ARL6IP6: variants seen among roughly 807,000 people sequenced by gnomAD.
The protein encoded by ARL6IP6 is ARF like GTPase 6 interacting protein 6.
ARL6IP6 carries 22 observed loss-of-function variants against 21.5 expected under a neutral mutation model. The ratio of observed to expected loss-of-function variants is 1.02; its 90% CI spans 0.73 to 1.46. The LOEUF (loss-of-function observed/expected upper bound fraction) is 1.46. ARL6IP6 is among the 40% of genes most tolerant of loss of function. ARL6IP6 has a pLI of 0.00. For synonymous variants in ARL6IP6, 164 were observed against 125.3 expected, an observed-to-expected ratio of 1.31 and a Z score of -2.06; for missense variants, 388 against 299.8, an observed-to-expected ratio of 1.29 and a Z score of -2.17.
chr2:152,752,353 A>C (rs531975369), intron 3 of ARL6IP6, among the ~76,000 whole-genome samples: 1 of 152,306 alleles, frequency 6.6e-6, no homozygotes, highest in Admixed American at 6.5e-5. Flanking sequence ...GCAACATGGC[A>C]AAACCGTATC....
At chr2:152,746,441 T>G (rs1381870052) in intron 3 of ARL6IP6, among the ~76,000 whole-genome samples, 1 of 152,222 alleles carries the variant, frequency 6.6e-6, no homozygotes, top group Non-Finnish European at 1.5e-5. Context: ...TTGCCAATTT[T>G]GTACTTGGAA....
chr2:152,721,646 ATTTGATT>A (rs1559221761), intron 2 of ARL6IP6, among the ~76,000 whole-genome samples: 1 of 152,214 alleles, frequency 6.6e-6, no homozygotes, highest in African/African-American at 2.4e-5. Context: ...AAATTAAATC[ATTTGATT>A]TGATCACTGT....
chr2:152,718,446 C>T (rs1699349592), upstream of ARL6IP6: 2 of 823,660 alleles, frequency 2.4e-6, no homozygotes, highest in Non-Finnish European at 3.4e-6. Context: ...GCGCATTCCG[C>T]CTCTCCTTTG....
chr2:152,750,603 T>G (rs921281291), intron 3 of ARL6IP6, among the ~76,000 whole-genome samples: 1 of 151,302 alleles, frequency 6.6e-6, no homozygotes, highest in Non-Finnish European at 1.5e-5. Context: ...CATGAAATCT[T>G]AAGTTGGAGT....
intron 1 of ARL6IP6, chr2:152,719,750 G>GAAAAAAAA (rs11328553): frequency 2.8e-4 from 71 of 255,140 alleles, no homozygotes; most frequent in South Asian, 4.8e-4. Flanking sequence ...CCAAGTTACT[G>GAAAAAAAA]AAAAAAAAAA....
intron 3 of ARL6IP6, among the ~76,000 whole-genome samples, chr2:152,749,409 T>C (rs1701216457): frequency 6.6e-6 from 1 of 152,128 alleles, no homozygotes; most frequent in Non-Finnish European, 1.5e-5. Flanking sequence ...GCTTTTATAC[T>C]ACTATTGTTT....
chr2:152,719,768 AAAAAAAC>A lies in ARL6IP6; in HGVS notation c.400+749_401-754del, dbSNP rs1444201041. 3.7e-4 allele frequency: 118 copies of A among 320,886 alleles called. 2 individuals are homozygous for A. Among genetic ancestry groups the A allele is most frequent in the African/African-American group, 2.8e-3 (108 of 38,120 alleles). 19.9% of individuals were successfully genotyped at this position (320,886 alleles called of 1,614,324 possible). ...AGTTACTGAAAAAAAAAAAAAAAAA[AAAAAAAC>A]AAAAGAACTTTGTTGTATGAAAAGC... On this transcript the variant is annotated intron_variant, in intron 1 of 3. Transcript: ENST00000326446.
At chr2:152,742,570 TAAAAAAAAA>T (rs71396304) in intron 3 of ARL6IP6, among the ~76,000 whole-genome samples, 6 of 115,994 alleles carry the variant, frequency 5.2e-5, no homozygotes, top group Admixed American at 1.9e-4. Flanking sequence ...ATACGCTCTT[TAAAAAAAAA>T]AAAAAAAAAA....
At chr2:152,719,815 C>T (rs1699668828) in intron 1 of ARL6IP6, 2 of 401,218 alleles carry the variant, frequency 5.0e-6, no homozygotes, top group Admixed American at 3.2e-5. Flanking sequence ...AAAACATTGT[C>T]ACTGAAGTGT....
intron 2 of ARL6IP6, among the ~76,000 whole-genome samples, chr2:152,724,725 A>G (rs1274658279): frequency 6.6e-6 from 1 of 152,238 alleles, no homozygotes; most frequent in Non-Finnish European, 1.5e-5. Context: ...AATCACCTGA[A>G]AGATAAATTT....
At chr2:152,733,393 T>A (rs1215156966) in intron 2 of ARL6IP6, among the ~76,000 whole-genome samples, 4 of 152,118 alleles carry the variant, frequency 2.6e-5, no homozygotes, top group Non-Finnish European at 5.9e-5. Context: ...GTCTCCCAAG[T>A]AGCTGGGATT....
At chr2:152,723,338 C>G (rs1044069981) in intron 2 of ARL6IP6, among the ~76,000 whole-genome samples, 1 of 152,186 alleles carries the variant, frequency 6.6e-6, no homozygotes, top group Non-Finnish European at 1.5e-5. Flanking sequence ...TTATATTTCA[C>G]TATTTATTTT....
chr2:152,719,978 A>G lies in ARL6IP6; in HGVS notation c.401-555A>G, dbSNP rs552304707. On this transcript the variant is annotated intron_variant, in intron 1 of 3. Coordinates refer to ENST00000326446, the MANE Select transcript of ARL6IP6 (RefSeq NM_152522.7). ...ATACAGAAGACACTTTGGCCAGTTG[A>G]TGTGGGTTTTACCTCTTCATAAAAT... 6 of 259,106 alleles carry G rather than the reference A, an allele frequency of 2.3e-5. No individual in the cohort carries two copies. In the African/African-American group the frequency reaches 6.6e-4, roughly 29 times the overall value. The allele number at this position is 259,106 out of a possible 1,614,324, so 16.1% of individuals were successfully genotyped here. A position where few individuals can be genotyped will look rare whatever the true frequency, so the allele number is the denominator to read the frequency against.
At chr2:152,755,143 G>T (rs1163537014) in intron 3 of ARL6IP6, among the ~76,000 whole-genome samples, 5 of 152,304 alleles carry the variant, frequency 3.3e-5, no homozygotes, top group African/African-American at 9.6e-5. Context: ...AAGACAGAAT[G>T]GGAGTCTTCT....
At chr2:152,729,650 A>AT (rs1559227532) in intron 2 of ARL6IP6, among the ~76,000 whole-genome samples, 2 of 152,286 alleles carry the variant, frequency 1.3e-5, no homozygotes, top group East Asian at 3.9e-4. Context: ...AAAAAGCAAA[A>AT]TGCAGAACCA....
chr2:152,752,682 G>C (rs1362692323), intron 3 of ARL6IP6, among the ~76,000 whole-genome samples: 2 of 152,154 alleles, frequency 1.3e-5, no homozygotes. Context: ...TTGGTCTTTT[G>C]CTAATTAAAG....
At chr2:152,734,819 A>G (rs1354938981) in intron 2 of ARL6IP6, among the ~76,000 whole-genome samples, 175 bp from the exon 3 acceptor site, 1 of 152,236 alleles carries the variant, frequency 6.6e-6, no homozygotes, top group African/African-American at 2.4e-5. Flanking sequence ...TGCTTTAGTA[A>G]TGTACACTTA....
chr2:152,745,589 CTT>C (rs1446303657), intron 3 of ARL6IP6, among the ~76,000 whole-genome samples: 1 of 152,184 alleles, frequency 6.6e-6, no homozygotes, highest in Non-Finnish European at 1.5e-5. Context: ...CTCTACTACT[CTT>C]TGATACAGAT....
At chr2:152,747,807 G>A (rs1175333110) in intron 3 of ARL6IP6, among the ~76,000 whole-genome samples, 1 of 152,114 alleles carries the variant, frequency 6.6e-6, no homozygotes, top group Non-Finnish European at 1.5e-5. Context: ...CTGGCTTCAA[G>A]TGATCCACCC....
Sources: allele counts gnomAD v4.1 joint callset (sites outside exome capture counted in the v4.1 genomes callset), GRCh38; gene constraint gnomAD v4.1.1; transcripts MANE v1.5; gene names NCBI Gene and HGNC (gene_info 2026-07-23, HGNC 2026-07-21).